Variants in EYA4 observed in about 807,000 individuals in gnomAD.
EYA4 encodes the protein EYA transcriptional coactivator and phosphatase 4.
A neutral mutation model predicts 87.9 loss-of-function variants in EYA4; 31 were observed. The observed-to-expected ratio is 0.35, with a 90% CI of 0.27 to 0.48. The LOEUF is 0.48. Among genes scored for constraint, EYA4 ranks in the 20% least tolerant of loss-of-function variants. EYA4 has a pLI of 0.99. For synonymous variants in EYA4, 263 were observed against 270.6 expected (o/e 0.97, Z 0.28); for missense variants, 678 against 761.4 (o/e 0.89, Z 1.29).
At chr6:133,491,758 T>C (rs1009291869) in intron 13 of EYA4, among the ~76,000 whole-genome samples, 33 of 152,068 alleles carry the variant, frequency 2.2e-4, no homozygotes, top group African/African-American at 7.7e-4. Flanking sequence ...AAGACCATCC[T>C]AGCTAACATG....
Position 133,435,724 on chromosome 6 carries a change from A to AGT in EYA4, c.84-10904_84-10903dup, listed in dbSNP as rs572959223. ...CAGAAAGTGGGAACTGATACACAGC[A>AGT]GTGGCATGTCCTACTAATTTTCATA... On this transcript the variant is annotated intron_variant, in intron 3 of 19. Transcript: ENST00000355286. 4.4e-3 allele frequency among the ~76,000 whole-genome samples: 675 copies of AGT among 152,350 alleles called. 6 individuals carry two copies. The highest frequency in any genetic ancestry group is 5.4e-3 in the Non-Finnish European group (366 of 68,038).
intron 1 of EYA4, among the ~76,000 whole-genome samples, chr6:133,249,358 C>T (rs1582739889): frequency 6.6e-6 from 1 of 152,130 alleles, no homozygotes; most frequent in African/African-American, 2.4e-5. Flanking sequence ...TCCTGGGGGC[C>T]CATTCTGGAC....
chr6:133,311,524 G>C (rs1176500143), intron 2 of EYA4, among the ~76,000 whole-genome samples: 1 of 151,944 alleles, frequency 6.6e-6, no homozygotes, highest in African/African-American at 2.4e-5. Context: ...TCCCAGTGTT[G>C]CCCAGGCTGG....
intron 17 of EYA4, among the ~76,000 whole-genome samples, chr6:133,522,789 C>T (rs1391696937): frequency 6.6e-6 from 1 of 152,104 alleles, no homozygotes; most frequent in Non-Finnish European, 1.5e-5. Flanking sequence ...CATTTTGTAA[C>T]ATTTGCCTAC....
At chr6:133,287,047 C>CG (rs1022865535) in intron 2 of EYA4, among the ~76,000 whole-genome samples, 1 of 151,622 alleles carries the variant, frequency 6.6e-6, no homozygotes, top group Non-Finnish European at 1.5e-5. Flanking sequence ...CTGTGTGTGT[C>CG]GGGGGGACCA....
At chr6:133,332,036 A>G (rs1202507009) in intron 2 of EYA4, among the ~76,000 whole-genome samples, 2 of 152,166 alleles carry the variant, frequency 1.3e-5, no homozygotes. Flanking sequence ...CAGTGGACTT[A>G]CTTATAATTC....
At chr6:133,316,757 G>A (rs983124344) in intron 2 of EYA4, among the ~76,000 whole-genome samples, 1 of 152,074 alleles carries the variant, frequency 6.6e-6, no homozygotes, top group Non-Finnish European at 1.5e-5. Flanking sequence ...GATGCATCTG[G>A]CATGGCCTTC....
intron 2 of EYA4, among the ~76,000 whole-genome samples, chr6:133,304,865 A>G (rs1304756508): frequency 3.3e-5 from 5 of 152,202 alleles, no homozygotes; most frequent in Admixed American, 3.3e-4. Context: ...CTTATTCCAA[A>G]GAGCTTATAT....
At chr6:133,507,955 T>G (rs1798793679) in intron 14 of EYA4, among the ~76,000 whole-genome samples, 1 of 152,186 alleles carries the variant, frequency 6.6e-6, no homozygotes, top group African/African-American at 2.4e-5. Flanking sequence ...CCACACTGTC[T>G]TCCACAATGG....
chr6:133,511,177 C>T (rs1358362548), intron 14 of EYA4, among the ~76,000 whole-genome samples: 3 of 152,036 alleles, frequency 2.0e-5, no homozygotes, highest in South Asian at 2.1e-4. Context: ...AAACTGGAAC[C>T]GGATTAAACA....
chr6:133,322,510 G>T (rs1358109900), intron 2 of EYA4, among the ~76,000 whole-genome samples: 1 of 152,138 alleles, frequency 6.6e-6, no homozygotes, highest in Non-Finnish European at 1.5e-5. Flanking sequence ...AGAAATGTGT[G>T]TATGAGTAAA....
At chr6:133,262,062 G>A (rs751627824) in intron 1 of EYA4, among the ~76,000 whole-genome samples, 2 of 152,002 alleles carry the variant, frequency 1.3e-5, no homozygotes, top group Admixed American at 6.6e-5. Flanking sequence ...CAAAACTATC[G>A]TTTACATTTC....
At chr6:133,302,432 A>G (rs977590843) in intron 2 of EYA4, among the ~76,000 whole-genome samples, 2 of 152,186 alleles carry the variant, frequency 1.3e-5, no homozygotes, top group African/African-American at 4.8e-5. Context: ...AAAATTCATA[A>G]CACTTTTGGC....
intron 2 of EYA4, among the ~76,000 whole-genome samples, chr6:133,335,084 C>CTA (rs1199398295): frequency 6.6e-6 from 1 of 152,166 alleles, no homozygotes; most frequent in African/African-American, 2.4e-5. Context: ...TTATATTTAG[C>CTA]TATGGCTGAT....
At chr6:133,266,243 A>T (rs1375835351) in intron 1 of EYA4, among the ~76,000 whole-genome samples, 1 of 152,218 alleles carries the variant, frequency 6.6e-6, no homozygotes, top group South Asian at 2.1e-4. Context: ...GTACAGAGAC[A>T]TACACACACA....
At chr6:133,474,230 A>G (rs916733556) in intron 11 of EYA4, among the ~76,000 whole-genome samples, 1 of 152,040 alleles carries the variant, frequency 6.6e-6, no homozygotes, top group Non-Finnish European at 1.5e-5. Context: ...GTGTACTCAG[A>G]TACGGTATAT....
At chr6:133,432,156 TCCTG>T in intron 3 of EYA4, among the ~76,000 whole-genome samples, 1 of 152,212 alleles carries the variant, frequency 6.6e-6, no homozygotes, top group Admixed American at 6.5e-5. Context: ...TTGTCATCCC[TCCTG>T]CCTGCTCTCC....
chr6:133,517,532 G>C (rs1799704089), intron 17 of EYA4, among the ~76,000 whole-genome samples: 1 of 141,604 alleles, frequency 7.1e-6, no homozygotes, highest in Admixed American at 7.5e-5. Flanking sequence ...GCCTGACAGG[G>C]CAAAAAAAAA....
chr6:133,509,983 G>A lies in EYA4; in HGVS notation c.1282-2738G>A, dbSNP rs374544925. 4.6e-5 allele frequency among the ~76,000 whole-genome samples: 7 copies of A among 152,218 alleles called. 1 individual carries two copies. The highest frequency in any genetic ancestry group is 4.1e-4 in the South Asian group (2 of 4,822). ...ACTGGACCGTAATCCTCAGGCAACC[G>A]TCCAGAGTCAACAGGCATAGTTAAC... On this transcript the variant is annotated intron_variant, in intron 14 of 19. Coordinates refer to ENST00000355286, the MANE Select transcript of EYA4 (RefSeq NM_004100.5).
Sources: allele counts gnomAD v4.1 joint callset (sites outside exome capture counted in the v4.1 genomes callset), GRCh38; gene constraint gnomAD v4.1.1; transcripts MANE v1.5; gene names NCBI Gene and HGNC (gene_info 2026-07-23, HGNC 2026-07-21).